EPM2A: variants seen among roughly 807,000 people sequenced by gnomAD.
The protein encoded by EPM2A is laforin.
EPM2A carries 21 observed loss-of-function variants against 26.5 expected under a neutral mutation model. The observed-to-expected ratio is 0.79, with a 90% CI of 0.56 to 1.14. The LOEUF (loss-of-function observed/expected upper bound fraction) is 1.14, where lower values mean the gene tolerates loss of function less well. EPM2A is among the 50% of genes most tolerant of loss of function. The probability of loss-of-function intolerance (pLI) is 0.00; values close to 1 mark genes in which losing one functional copy is unlikely to be tolerated. For synonymous variants in EPM2A, 217 were observed against 177.6 expected (o/e 1.22, Z -1.76); for missense variants, 458 against 440.8 (o/e 1.04, Z -0.35).
chr6:145,734,632 G>A (rs1328024287), intron 1 of EPM2A: 5 of 152,208 alleles, frequency 3.3e-5, no homozygotes, highest in African/African-American at 1.2e-4. Context: ...GTAGCACATT[G>A]CTGTCTAGGA....
chr6:145,654,313 C>G (rs1446738908), intron 2 of EPM2A, among the ~76,000 whole-genome samples: 1 of 151,966 alleles, frequency 6.6e-6, no homozygotes, highest in Non-Finnish European at 1.5e-5. Flanking sequence ...TCCCAAGTAG[C>G]TGGGACTACA....
chr6:145,627,918 C>T (rs551215314), intron 3 of EPM2A: 2 of 616,120 alleles, frequency 3.2e-6, no homozygotes, highest in South Asian at 2.0e-5. Flanking sequence ...CTCTCTAATC[C>T]TTCCCTGGGT....
At chr6:145,561,014 T>A (rs1027268152) in intron 2 of EPM2A, among the ~76,000 whole-genome samples, 8 of 152,120 alleles carry the variant, frequency 5.3e-5, no homozygotes, top group African/African-American at 1.9e-4. Context: ...TAATTTGGAA[T>A]TTTTTACATT....
intron 3 of EPM2A, among the ~76,000 whole-genome samples, chr6:145,634,860 T>C (rs1776529796): frequency 6.6e-6 from 1 of 152,204 alleles, no homozygotes; most frequent in Admixed American, 6.5e-5. Context: ...TATCTATATA[T>C]TTTCTAACAA....
At chr6:145,672,850 A>C (rs532769828) in intron 2 of EPM2A, among the ~76,000 whole-genome samples, 1 of 152,320 alleles carries the variant, frequency 6.6e-6, no homozygotes, top group Admixed American at 6.5e-5. Context: ...TAGGAAAAAA[A>C]AGTAGTATAG....
chr6:145,634,301 T>C (rs952168555), intron 3 of EPM2A, among the ~76,000 whole-genome samples: 1 of 152,194 alleles, frequency 6.6e-6, no homozygotes, highest in Non-Finnish European at 1.5e-5. Context: ...CTAAAATCCC[T>C]ATCATTCCTC....
chr6:145,523,054 C>A (rs973915038), intron 2 of EPM2A, among the ~76,000 whole-genome samples: 3 of 152,288 alleles, frequency 2.0e-5, no homozygotes, highest in Admixed American at 6.5e-5. Context: ...CTATTCTTAT[C>A]TATATTCAGA....
intron 1 of EPM2A, among the ~76,000 whole-genome samples, chr6:145,726,938 T>C (rs1483964082): frequency 6.6e-6 from 1 of 152,152 alleles, no homozygotes; most frequent in East Asian, 1.9e-4. Flanking sequence ...CATACTAATA[T>C]AAAATATTAA....
chr6:145,668,634 G>A (rs987649965), intron 2 of EPM2A, among the ~76,000 whole-genome samples: 13 of 152,072 alleles, frequency 8.5e-5, no homozygotes, highest in African/African-American at 3.1e-4. Flanking sequence ...GGAGAATCTG[G>A]GAATGGCAGT....
At chr6:145,698,829 C>T (rs1197815448) in intron 1 of EPM2A, among the ~76,000 whole-genome samples, 1 of 152,022 alleles carries the variant, frequency 6.6e-6, no homozygotes, top group Non-Finnish European at 1.5e-5. Flanking sequence ...CCATTACACC[C>T]CATAAGAGGA....
rs1161543476 is a variant in EPM2A, at chr6:145,427,345, C to T, written c.556-43248G>A. Reference sequence around the variant, plus strand: ...GTAAAGGAGTAAGTCTTGTGGATTTCGGGGCAGAGTGTAACAGAGTAAAAC... The same window carrying T: ...GTAAAGGAGTAAGTCTTGTGGATTTTGGGGCAGAGTGTAACAGAGTAAAAC... On this transcript the variant is annotated intron_variant, in intron 4 of 4. Coordinates refer to the EPM2A transcript ENST00000638717. Among the ~76,000 whole-genome samples, 5 of 152,148 alleles carry T rather than the reference C, an allele frequency of 3.3e-5. No homozygotes were observed. In the East Asian group the frequency reaches 7.7e-4, roughly 24 times the overall value.
intron 2 of EPM2A, 45 bp from the exon 3 acceptor site, chr6:145,635,531 T>C (rs1257374886): frequency 1.9e-6 from 3 of 1,606,986 alleles, no homozygotes; most frequent in South Asian, 1.1e-5. Flanking sequence ...GTTGTTCTGA[T>C]TTGAGGTTTA....
intron 2 of EPM2A, among the ~76,000 whole-genome samples, chr6:145,570,547 A>T (rs745485592): frequency 6.6e-6 from 1 of 152,240 alleles, no homozygotes; most frequent in African/African-American, 2.4e-5. Flanking sequence ...GAAGCAGGAA[A>T]TACTCATGAC....
intron 4 of EPM2A, among the ~76,000 whole-genome samples, chr6:145,472,016 G>A (rs926183052): frequency 3.3e-5 from 5 of 150,694 alleles, no homozygotes; most frequent in African/African-American, 1.2e-4. Flanking sequence ...TTCTGCTTGA[G>A]GAGAGGAGAG....
In EPM2A at chr6:145,686,175, G is replaced by A. The variant is rs1780895657; in HGVS notation, c.423C>T (p.His141=). Residue 141 remains histidine (H), a synonymous_variant, in exon 2 of 4, where the codon CAC becomes CAT. Coordinates refer to ENST00000367519, the MANE Select transcript of EPM2A (RefSeq NM_005670.4). ...CAATATTAAAATAGAAGTCTGTTGT[G>A]TGCTTCATTTCATTGGTGTGCCCAG... ...EATGHTNEMK[H]TTDFYFNIAG... 1 of 1,613,818 alleles carries A rather than the reference G, an allele frequency of 6.2e-7. No individual in the cohort carries two copies. The highest frequency in any genetic ancestry group is 1.1e-5 in the South Asian group (1 of 91,076).
Position 145,446,427 on chromosome 6 carries a change from G to T in EPM2A, c.555+56095C>A, listed in dbSNP as rs571170104. The stretch of plus-strand genomic sequence containing the variant: ...TGTTTTTTCTCTTGGTTTTCAGTTT[G>T]GTCATGTTTGCAATATGCCATGTAA... On this transcript the variant is annotated intron_variant, in intron 4 of 4. Transcript: ENST00000638717. 1.2e-4 allele frequency among the ~76,000 whole-genome samples: 19 copies of T among 152,200 alleles called. No homozygotes were observed. The East Asian group carries it at 3.5e-3, about 28-fold the overall frequency.
chr6:145,466,291 T>G (rs1056461199), intron 4 of EPM2A, among the ~76,000 whole-genome samples: 74 of 151,206 alleles, frequency 4.9e-4, no homozygotes, highest in African/African-American at 1.6e-3. Context: ...CAAACAAATT[T>G]ACAAGAAAAA....
At chr6:145,617,957 T>A (rs943149695) in intron 2 of EPM2A, among the ~76,000 whole-genome samples, 14 of 152,166 alleles carry the variant, frequency 9.2e-5, no homozygotes, top group African/African-American at 2.7e-4. Context: ...AAAATTTTTT[T>A]AATTAAAAAA....
intron 2 of EPM2A, among the ~76,000 whole-genome samples, chr6:145,679,359 G>A (rs1159987204): frequency 2.0e-5 from 3 of 151,494 alleles, no homozygotes; most frequent in African/African-American, 4.9e-5. Flanking sequence ...GTATACCTAT[G>A]TAACAAACCT....
Sources: allele counts gnomAD v4.1 joint callset (sites outside exome capture counted in the v4.1 genomes callset), GRCh38; gene constraint gnomAD v4.1.1; transcripts MANE v1.5; gene names NCBI Gene and HGNC (gene_info 2026-07-23, HGNC 2026-07-21).